MYBPC1: variants seen among roughly 807,000 people sequenced by gnomAD.
The protein encoded by MYBPC1 is myosin binding protein C1, also known as myosin-binding protein C, slow-type.
MYBPC1 carries 52 observed loss-of-function variants against 147.1 expected under a neutral mutation model. The ratio of observed to expected loss-of-function variants is 0.35; its 90% CI spans 0.28 to 0.45. The LOEUF is 0.45. Among genes scored for constraint, MYBPC1 ranks in the 20% least tolerant of loss-of-function variants. The pLI is 1.00. For synonymous variants in MYBPC1, 477 were observed against 475.9 expected (o/e 1.00, Z -0.03); for missense variants, 1,228 against 1,440.3 (o/e 0.85, Z 2.39).
chr12:101,688,354 G>T (rs1437621451), downstream of MYBPC1, among the ~76,000 whole-genome samples: 3 of 152,284 alleles, frequency 2.0e-5, no homozygotes, highest in Non-Finnish European at 4.4e-5. Flanking sequence ...GGGAGGTGGA[G>T]GTTGCAGTGA....
rs1447493902 is a variant in MYBPC1, at chr12:101,684,439, G to A, written c.*19+15G>A. The A allele has an allele frequency of 6.4e-7, 1 of 1,570,216 alleles. No individual in the cohort carries two copies. Among genetic ancestry groups the A allele is most frequent in the Non-Finnish European group, 8.7e-7 (1 of 1,149,386 alleles). On this transcript the variant is annotated intron_variant, in intron 31 of 31. Transcript: ENST00000361466. ...TATCATCTAAGGTAAGCTTTCATAT[G>A]GTTTTGGCATATGAAGCTTATGACT...
intron 8 of MYBPC1, among the ~76,000 whole-genome samples, 183 bp from the exon 9 acceptor site, chr12:101,634,371 T>C (rs144620521): frequency 1.2e-4 from 18 of 152,296 alleles, no homozygotes; most frequent in African/African-American, 4.1e-4. Flanking sequence ...GGTCCCTTCA[T>C]TGGTTCTTCA....
At chr12:101,620,550 G>T (rs778736350) in intron 3 of MYBPC1, among the ~76,000 whole-genome samples, 6 of 152,186 alleles carry the variant, frequency 3.9e-5, no homozygotes, top group Non-Finnish European at 7.3e-5. Context: ...AGGGCCATGT[G>T]TAGGGAATAA....
intron 4 of MYBPC1, among the ~76,000 whole-genome samples, chr12:101,627,148 G>A (rs1199538485): frequency 6.6e-6 from 1 of 152,124 alleles, no homozygotes; most frequent in African/African-American, 2.4e-5. Context: ...TAAATCTTGG[G>A]TATAAATGTT....
Position 101,685,710 on chromosome 12 carries a change from A to G in MYBPC1, c.*148A>G. The G allele has an allele frequency of 7.0e-7, 1 of 1,432,762 alleles. No individual in the cohort carries two copies. Among genetic ancestry groups the G allele is most frequent in the Non-Finnish European group, 9.5e-7 (1 of 1,056,830 alleles). The allele number at this position is 1,432,762 out of a possible 1,614,324, so 88.8% of individuals were successfully genotyped here. On this transcript the variant is annotated 3_prime_UTR_variant, in exon 32 of 32. Transcript: ENST00000361466. ...GAGGGCCTGGCTACTGTCTCTCTGC[A>G]CTCTGCTGCTTTGAAATCTGGTTGA...
chr12:101,669,583 A>G (rs1898128702), intron 23 of MYBPC1, among the ~76,000 whole-genome samples: 1 of 152,172 alleles, frequency 6.6e-6, no homozygotes. Flanking sequence ...CTCCCAGCTA[A>G]TGTGGTGCCT....
At chr12:101,597,247 T>G (rs1197990097) in intron 1 of MYBPC1, among the ~76,000 whole-genome samples, 1 of 152,152 alleles carries the variant, frequency 6.6e-6, no homozygotes, top group East Asian at 1.9e-4. Flanking sequence ...CAGAATCATT[T>G]CAAAATACCT....
chr12:101,691,067 TTTAC>T, the MYBPC1 span, among the ~76,000 whole-genome samples: 1 of 152,000 alleles, frequency 6.6e-6, no homozygotes, highest in Non-Finnish European at 1.5e-5. Context: ...AGGTGATTTA[TTTAC>T]TTATTTATTT....
chr12:101,653,264 G>A lies in MYBPC1; in HGVS notation c.1767+16G>A. ...GGGAGATAAGGTTTGTTTTATGCTTGCACACACTCACATGCACACACACAT... is the reference window on the plus strand; with the variant it reads ...GGGAGATAAGGTTTGTTTTATGCTTACACACACTCACATGCACACACACAT... On this transcript the variant is annotated intron_variant, in intron 18 of 31. Coordinates refer to ENST00000361466, the MANE Select transcript of MYBPC1 (RefSeq NM_002465.4). 1 of 1,612,856 alleles carries A rather than the reference G, an allele frequency of 6.2e-7. No individual in the cohort carries two copies. The highest frequency in any genetic ancestry group is 1.1e-5 in the South Asian group (1 of 91,050).
chr12:101,657,939 G>A lies in MYBPC1; in HGVS notation c.1768-1733G>A, dbSNP rs573583253. Among the ~76,000 whole-genome samples the A allele has an allele frequency of 3.3e-5, 5 of 152,056 alleles. No homozygotes were observed. The South Asian group carries it at 1.0e-3, about 32-fold the overall frequency. The stretch of plus-strand genomic sequence containing the variant: ...AGGTCAGGAGATCGAGACCATCCTG[G>A]CTAATACGGTGAAACCCCGTCTCTA... On this transcript the variant is annotated intron_variant, in intron 18 of 31. Transcript: ENST00000361466.
At chr12:101,670,466 T>C (rs1898408222) in intron 24 of MYBPC1, 57 bp downstream of exon 24, 2 of 1,384,438 alleles carry the variant, frequency 1.4e-6, no homozygotes, top group Admixed American at 1.7e-5. Flanking sequence ...GTTTAGGAAG[T>C]GGGAAGAGGT....
At chr12:101,678,806 A>C (rs1900680572) in intron 28 of MYBPC1, among the ~76,000 whole-genome samples, 1 of 152,224 alleles carries the variant, frequency 6.6e-6, no homozygotes, top group Admixed American at 6.5e-5. Context: ...GCAAGACAGA[A>C]AGTACCCTAG....
intron 26 of MYBPC1, 138 bp from the exon 27 acceptor site, chr12:101,677,097 T>C: frequency 2.6e-6 from 2 of 773,674 alleles, no homozygotes; most frequent in Admixed American, 2.7e-5. Flanking sequence ...ACATATATTA[T>C]TACTCTCCAT....
rs1004797781 is a variant in MYBPC1, at chr12:101,647,120, T to C, written c.1090+233T>C. ...AGCACTATCTTGCAAAAATAATTAT[T>C]CTAGTTATAGCTTTGAAACCCAACA... is the stretch of plus-strand genomic sequence containing the variant. On this transcript the variant is annotated intron_variant, in intron 13 of 31. Transcript: ENST00000361466. The C allele has an allele frequency of 7.4e-6, 4 of 537,794 alleles. No individual in the cohort carries two copies. In the African/African-American group the frequency reaches 7.6e-5, roughly 10 times the overall value. 33.3% of individuals were successfully genotyped at this position (537,794 alleles called of 1,614,324 possible).
intron 30 of MYBPC1, among the ~76,000 whole-genome samples, chr12:101,683,846 T>C (rs1404564925): frequency 6.6e-6 from 1 of 152,178 alleles, no homozygotes; most frequent in Non-Finnish European, 1.5e-5. Flanking sequence ...AGAATAGCTT[T>C]GTAACATAAG....
At chr12:101,666,811 T>C in intron 22 of MYBPC1, 1 of 1,610,878 alleles carries the variant, frequency 6.2e-7, no homozygotes. Flanking sequence ...AAGTATTCCG[T>C]GAAGCTCTCA....
intron 2 of MYBPC1, among the ~76,000 whole-genome samples, chr12:101,616,973 G>A (rs1886247221): frequency 6.6e-6 from 1 of 152,156 alleles, no homozygotes; most frequent in African/African-American, 2.4e-5. Context: ...GTGTTCTTAT[G>A]TGTACTTTTC....
rs1886309141 is a variant in MYBPC1, at chr12:101,617,196, A to C, written c.62-6A>C. ...TTTAAAAAATATGCTTGTACTTTCT[A>C]CACAGAACCAAGTAAAGAGAAGGAG... On this transcript the variant is annotated splice_region_variant and splice_polypyrimidine_tract_variant and intron_variant, in intron 2 of 31. Coordinates refer to ENST00000361466, the MANE Select transcript of MYBPC1 (RefSeq NM_002465.4). The C allele has an allele frequency of 3.1e-6, 5 of 1,613,650 alleles. No homozygotes were observed. Among genetic ancestry groups the C allele is most frequent in the African/African-American group, 1.3e-5 (1 of 74,904 alleles).
At chr12:101,689,814 C>G (rs1168244386), downstream of MYBPC1, among the ~76,000 whole-genome samples, 1 of 152,140 alleles carries the variant, frequency 6.6e-6, no homozygotes, top group Non-Finnish European at 1.5e-5. Context: ...GTGTGCAAGT[C>G]CCTCCTTACT....
Sources: gnomAD v4.1 joint callset for allele counts (sites outside exome capture counted in the v4.1 genomes callset) on GRCh38, gnomAD v4.1.1 for gene constraint, MANE v1.5 for transcripts, NCBI Gene and HGNC (gene_info 2026-07-23, HGNC 2026-07-21) for gene names.